The following BLTP2 variants were observed in gnomAD, a reference collection of about 807,000 sequenced individuals.
BLTP2 encodes bridge-like lipid transfer protein family member 2, also known as U937-associated antigen.
the BLTP2 span, among the ~76,000 whole-genome samples, chr17:28,629,908 C>G: frequency 2.0e-5 from 3 of 152,120 alleles, no homozygotes; most frequent in Middle Eastern, 3.2e-3. Context: ...AGCCACTGCA[C>G]CCAGCCTTAA....
the BLTP2 span, chr17:28,615,810 G>A: frequency 4.3e-6 from 7 of 1,612,626 alleles, no homozygotes; most frequent in Middle Eastern, 1.7e-4. Context: ...TGTAAGAGGA[G>A]GGGGAGGGGA....
the BLTP2 span, chr17:28,624,285 T>C: frequency 6.2e-7 from 1 of 1,614,244 alleles, no homozygotes. Flanking sequence ...GTCATCCGTC[T>C]GGCAGGCAGC....
chr17:28,635,096 G>A, the BLTP2 span: 1 of 1,612,462 alleles, frequency 6.2e-7, no homozygotes, highest in Non-Finnish European at 8.5e-7. Context: ...AAGTCATACT[G>A]ATAAGGAAAC....
chr17:28,641,256 T>G, the BLTP2 span, among the ~76,000 whole-genome samples: 1 of 152,158 alleles, frequency 6.6e-6, no homozygotes, highest in Non-Finnish European at 1.5e-5. Context: ...CACACAGATA[T>G]GGAGAGCCAA....
At chr17:28,626,038 C>T in the BLTP2 span, among the ~76,000 whole-genome samples, 2 of 152,314 alleles carry the variant, frequency 1.3e-5, no homozygotes, top group East Asian at 1.9e-4. Context: ...GCTGGGACTA[C>T]GGGCGTGAGC....
At chr17:28,615,655 G>T in the BLTP2 span, 1 of 1,613,550 alleles carries the variant, frequency 6.2e-7, no homozygotes, top group Middle Eastern at 1.7e-4. Context: ...ATGAGCCCTG[G>T]CGGGATACCT....
the BLTP2 span, among the ~76,000 whole-genome samples, chr17:28,617,636 G>A: frequency 1.8e-4 from 28 of 152,326 alleles, no homozygotes; most frequent in African/African-American, 6.5e-4. Flanking sequence ...AAAGCTGAAT[G>A]TCAGTATTAG....
chr17:28,634,083 C>T, the BLTP2 span: 8 of 1,613,764 alleles, frequency 5.0e-6, no homozygotes, highest in African/African-American at 4.0e-5. Context: ...GTCCCTGATC[C>T]GAACTGTTAC....
At chr17:28,618,647 T>G in the BLTP2 span, 2 of 617,080 alleles carry the variant, frequency 3.2e-6, no homozygotes, top group Non-Finnish European at 5.5e-6. Flanking sequence ...ATATGATTAA[T>G]GAGCTCGTTA....
At chr17:28,640,714 A>G in the BLTP2 span, 4 of 1,610,720 alleles carry the variant, frequency 2.5e-6, no homozygotes, top group Non-Finnish European at 3.4e-6. Flanking sequence ...CGTAAGAACC[A>G]TCAATTCTTA....
the BLTP2 span, chr17:28,634,093 C>T: frequency 7.4e-6 from 12 of 1,613,486 alleles, no homozygotes; most frequent in Non-Finnish European, 1.0e-5. Flanking sequence ...CGAACTGTTA[C>T]CAGAGGAAGG....
At chr17:28,641,136 G>A in the BLTP2 span, among the ~76,000 whole-genome samples, 2 of 152,182 alleles carry the variant, frequency 1.3e-5, no homozygotes, top group Non-Finnish European at 2.9e-5. Context: ...AAGTCCAGCA[G>A]TTGTCCCTGT....
chr17:28,638,671 G>T, the BLTP2 span: 7 of 1,347,984 alleles, frequency 5.2e-6, no homozygotes, highest in Middle Eastern at 3.7e-4. Context: ...TCATTGTTTG[G>T]TAAGAAAAGA....
chr17:28,639,379 G>C, the BLTP2 span: 2 of 1,614,056 alleles, frequency 1.2e-6, no homozygotes, highest in Admixed American at 1.7e-5. Flanking sequence ...AGCAGGTGCA[G>C]CCAGTGAGAG....
At chr17:28,624,779 T>TTC in the BLTP2 span, among the ~76,000 whole-genome samples, 1 of 152,204 alleles carries the variant, frequency 6.6e-6, no homozygotes, top group South Asian at 2.1e-4. Context: ...TGTCATTATA[T>TTC]TCTCTGAGGT....
chr17:28,640,777 A>G, the BLTP2 span: 2 of 1,242,820 alleles, frequency 1.6e-6, no homozygotes, highest in Non-Finnish European at 1.2e-6. Flanking sequence ...ATCCTCCCAC[A>G]TAAAGTAGGC....
the BLTP2 span, chr17:28,644,211 C>A: frequency 3.7e-6 from 6 of 1,608,296 alleles, no homozygotes; most frequent in South Asian, 1.1e-5. Context: ...CCTGTTAATT[C>A]ATAGGACCTT....
chr17:28,629,027 A>T, the BLTP2 span, among the ~76,000 whole-genome samples: 10 of 151,942 alleles, frequency 6.6e-5, no homozygotes, highest in African/African-American at 2.4e-4. Context: ...ATTACATTCA[A>T]ACTATACCTA....
At chr17:28,633,116 G>A in the BLTP2 span, 1 of 1,587,390 alleles carries the variant, frequency 6.3e-7, no homozygotes, top group Non-Finnish European at 8.6e-7. Flanking sequence ...TGCAGGTCCA[G>A]TGTCATGCAG....
Sources: allele counts gnomAD v4.1 joint callset (sites outside exome capture counted in the v4.1 genomes callset), GRCh38; gene constraint gnomAD v4.1.1; transcripts MANE v1.5; gene names NCBI Gene and HGNC (gene_info 2026-07-23, HGNC 2026-07-21).